IMPG1: variants seen among roughly 807,000 people sequenced by gnomAD.
IMPG1 encodes the protein interphotoreceptor matrix proteoglycan of 150 kDa.
A neutral mutation model predicts 92.0 loss-of-function variants in IMPG1; 85 were observed. The ratio of observed to expected loss-of-function variants is 0.92; its 90% CI spans 0.78 to 1.11. The LOEUF (loss-of-function observed/expected upper bound fraction) is 1.11, where lower values mean the gene tolerates loss of function less well. IMPG1 is among the 50% of genes least tolerant of loss of function. The pLI is 0.00. For missense variants in IMPG1, 1,022 were observed against 956.0 expected (o/e 1.07, Z -0.91); for synonymous variants, 367 against 334.1 (o/e 1.10, Z -1.08).
At chr6:75,994,940 TAAA>T (rs1782871378) in intron 12 of IMPG1, among the ~76,000 whole-genome samples, 1 of 152,120 alleles carries the variant, frequency 6.6e-6, no homozygotes, top group South Asian at 2.1e-4. Context: ...AACCACTGAC[TAAA>T]AAGAGGTAAG....
intron 1 of IMPG1, among the ~76,000 whole-genome samples, chr6:76,052,670 T>G (rs535686251): frequency 6.6e-6 from 1 of 152,278 alleles, no homozygotes; most frequent in African/African-American, 2.4e-5. Flanking sequence ...TAGCAAACAT[T>G]TAAAATGTTG....
At chr6:75,960,287 G>A (rs1337401493) in intron 12 of IMPG1, among the ~76,000 whole-genome samples, 2 of 152,100 alleles carry the variant, frequency 1.3e-5, no homozygotes, top group African/African-American at 2.4e-5. Context: ...ATCTTGCTGC[G>A]AGCTTCAGAC....
At position 75,944,255 on chromosome 6, in the gene IMPG1, C is replaced by T. The variant is rs12111268; in HGVS notation, c.2044+3059G>A. Among the ~76,000 whole-genome samples the T allele has an allele frequency of 9.3e-3, 1,415 of 152,304 alleles. 24 individuals carry two copies. Among genetic ancestry groups the T allele is most frequent in the African/African-American group, 0.031 (1,299 of 41,556 alleles). On this transcript the variant is annotated intron_variant, in intron 14 of 16. Coordinates refer to ENST00000369950, the MANE Select transcript of IMPG1 (RefSeq NM_001563.4). ...GCCTGCTCCTCCCTGCCTGCTGGTACCTTCCTCCTTCCCCTCACTGTTGAC... is the reference window on the plus strand; with the variant it reads ...GCCTGCTCCTCCCTGCCTGCTGGTATCTTCCTCCTTCCCCTCACTGTTGAC...
chr6:75,956,395 T>C (rs1327173737), intron 12 of IMPG1, among the ~76,000 whole-genome samples: 5 of 152,220 alleles, frequency 3.3e-5, no homozygotes, highest in Non-Finnish European at 7.3e-5. Flanking sequence ...GAGGTGTTTA[T>C]AGTATGCTCT....
chr6:75,961,723 T>A (rs1446788142), intron 12 of IMPG1, among the ~76,000 whole-genome samples: 1 of 152,090 alleles, frequency 6.6e-6, no homozygotes. Flanking sequence ...CAAATGCAAG[T>A]GAGAAGGCCA....
intron 12 of IMPG1, among the ~76,000 whole-genome samples, chr6:75,956,545 T>G (rs910631806): frequency 6.6e-6 from 1 of 152,198 alleles, no homozygotes; most frequent in Non-Finnish European, 1.5e-5. Flanking sequence ...AAAAACAAGC[T>G]CCTGTATTCA....
intron 13 of IMPG1, among the ~76,000 whole-genome samples, chr6:75,950,262 T>A (rs558714105): frequency 1.3e-5 from 2 of 152,240 alleles, no homozygotes; most frequent in East Asian, 3.9e-4. Flanking sequence ...AGTGCTTGAG[T>A]GTTATGTATT....
intron 1 of IMPG1, among the ~76,000 whole-genome samples, chr6:76,060,869 T>G (rs1784193798): frequency 6.6e-6 from 1 of 152,170 alleles, no homozygotes; most frequent in African/African-American, 2.4e-5. Flanking sequence ...TTTAGTATGG[T>G]CATTACAACA....
chr6:75,966,859 C>T (rs1252033627), intron 12 of IMPG1, among the ~76,000 whole-genome samples: 1 of 152,114 alleles, frequency 6.6e-6, no homozygotes, highest in Non-Finnish European at 1.5e-5. Context: ...AAACCTATGA[C>T]AGGAGAAAAA....
chr6:75,991,385 T>A (rs1782810756), intron 12 of IMPG1, among the ~76,000 whole-genome samples: 1 of 150,574 alleles, frequency 6.6e-6, no homozygotes, highest in African/African-American at 2.5e-5. Flanking sequence ...AGCAAGACTC[T>A]GCCTTGGAAA....
At chr6:76,013,979 A>G (rs990012592) in intron 7 of IMPG1, among the ~76,000 whole-genome samples, 1 of 152,176 alleles carries the variant, frequency 6.6e-6, no homozygotes, top group African/African-American at 2.4e-5. Context: ...CCTGAACATA[A>G]GAGGAATCAC....
intron 11 of IMPG1, among the ~76,000 whole-genome samples, chr6:76,003,630 A>G (rs1259387998): frequency 6.6e-6 from 1 of 152,246 alleles, no homozygotes; most frequent in Non-Finnish European, 1.5e-5. Flanking sequence ...AAATGAAACA[A>G]AAATCTAACT....
At chr6:75,965,962 T>A (rs1196104023) in intron 12 of IMPG1, among the ~76,000 whole-genome samples, 2 of 152,188 alleles carry the variant, frequency 1.3e-5, no homozygotes, top group Non-Finnish European at 2.9e-5. Context: ...AGTCTGTATC[T>A]TTTCTTCTCA....
chr6:75,981,394 T>C (rs540881190), intron 12 of IMPG1, among the ~76,000 whole-genome samples: 2 of 152,368 alleles, frequency 1.3e-5, no homozygotes, highest in Middle Eastern at 3.4e-3. Context: ...GTTCTTCCAT[T>C]TGACATTTAA....
intron 15 of IMPG1, among the ~76,000 whole-genome samples, chr6:75,927,665 T>C (rs1367989564): frequency 4.6e-5 from 7 of 151,928 alleles, no homozygotes; most frequent in African/African-American, 1.7e-4. Flanking sequence ...AAGGGCAAAA[T>C]TGGGGTAATA....
intron 1 of IMPG1, among the ~76,000 whole-genome samples, chr6:76,048,061 A>T (rs1251199639): frequency 6.6e-6 from 1 of 152,168 alleles, no homozygotes; most frequent in African/African-American, 2.4e-5. Flanking sequence ...GTGGAGATCA[A>T]TGAGGAAGAC....
At chr6:75,935,157 G>C (rs1781723782) in intron 14 of IMPG1, 2 of 394,942 alleles carry the variant, frequency 5.1e-6, no homozygotes, top group Non-Finnish European at 1.1e-5. Flanking sequence ...AAGCACCCCA[G>C]CTGATTTCTG....
intron 12 of IMPG1, among the ~76,000 whole-genome samples, chr6:75,988,752 C>A (rs996039590): frequency 1.3e-5 from 2 of 152,192 alleles, no homozygotes; most frequent in African/African-American, 4.8e-5. Flanking sequence ...ACCTCAGGTT[C>A]TTCATGAAAC....
Position 75,968,317 on chromosome 6 carries a change from C to T in IMPG1, c.1292-17223G>A, listed in dbSNP as rs77184868. Among the ~76,000 whole-genome samples, 2,768 of 152,072 alleles carry T rather than the reference C, an allele frequency of 0.018. 139 individuals are homozygous for T. The East Asian group carries it at 0.21, about 11-fold the overall frequency. On this transcript the variant is annotated intron_variant, in intron 12 of 16. Transcript: ENST00000369950. ...GCTAGAGATCTTTTAACAATAAATA[C>T]CTTATGATATAAGAAAATACTTATC...
Sources: allele counts gnomAD v4.1 joint callset (sites outside exome capture counted in the v4.1 genomes callset), GRCh38; gene constraint gnomAD v4.1.1; transcripts MANE v1.5; gene names NCBI Gene and HGNC (gene_info 2026-07-23, HGNC 2026-07-21).